The following RGL4 variants were observed in gnomAD, a reference collection of about 807,000 sequenced individuals.
The protein encoded by RGL4 is ral guanine nucleotide dissociation stimulator like 4, also known as ral-GDS-related protein.
A neutral mutation model predicts 49.6 loss-of-function variants in RGL4; 41 were observed. The ratio of observed to expected loss-of-function variants is 0.83; its 90% CI spans 0.64 to 1.07. RGL4 has a LOEUF of 1.07. Among genes scored for constraint, RGL4 ranks in the 50% least tolerant of loss-of-function variants. The probability of loss-of-function intolerance (pLI) is 0.00; values close to 1 mark genes in which losing one functional copy is unlikely to be tolerated. For missense variants in RGL4, 610 were observed against 591.9 expected (o/e 1.03, Z -0.32); for synonymous variants, 255 against 238.0 (o/e 1.07, Z -0.66).
rs752725015 is a variant in RGL4, at chr22:23,699,083, C to T, written c.*200C>T. 1.5e-5 allele frequency: 23 copies of T among 1,539,090 alleles called. No individual in the cohort carries two copies. Among genetic ancestry groups the T allele is most frequent in the Admixed American group, 2.0e-5 (1 of 50,890 alleles). On this transcript the variant is annotated 3_prime_UTR_variant, in exon 11 of 11. Coordinates refer to ENST00000290691, the MANE Select transcript of RGL4 (RefSeq NM_153615.2). ...GGCCATGGGACTTTTGTGAGTCAGG[C>T]GGGAGACCATTTTATGTTTATTTTC...
intron 6 of RGL4, among the ~76,000 whole-genome samples, chr22:23,695,893 G>A (rs766397341): frequency 1.3e-5 from 2 of 152,192 alleles, no homozygotes; most frequent in African/African-American, 2.4e-5. Flanking sequence ...AGAGTTCCGT[G>A]CACGGAACTC....
At position 23,691,967 on chromosome 22, in the gene RGL4, TC is replaced by T. The variant is rs1219319877; in HGVS notation, c.-58del. On this transcript the variant is annotated 5_prime_UTR_variant, in exon 1 of 11. Coordinates refer to ENST00000290691, the MANE Select transcript of RGL4 (RefSeq NM_153615.2). ...GGCTTCCCAGCTCTCCCTGTCCTCC[TC>T]CCCCCGACATCTGCCCCTTCCCTCC... The T allele has an allele frequency of 1.3e-5, 20 of 1,556,056 alleles. No homozygotes were observed. The highest frequency in any genetic ancestry group is 1.5e-5 in the Non-Finnish European group (17 of 1,140,734).
intron 6 of RGL4, among the ~76,000 whole-genome samples, chr22:23,695,938 C>G (rs1923466044): frequency 6.6e-6 from 1 of 152,230 alleles, no homozygotes; most frequent in African/African-American, 2.4e-5. Context: ...AAGCCTTTGG[C>G]ATGGCTCAAA....
At chr22:23,698,088 G>T (rs565858773) in intron 9 of RGL4, 124 bp from the exon 10 acceptor site, 7 of 1,329,910 alleles carry the variant, frequency 5.3e-6, no homozygotes, top group East Asian at 2.5e-5. Flanking sequence ...AGAACAGGCT[G>T]GGGGCGCTGC....
At chr22:23,698,393 A>C in intron 10 of RGL4, 60 bp downstream of exon 10, 1 of 1,545,518 alleles carries the variant, frequency 6.5e-7, no homozygotes, top group Non-Finnish European at 8.8e-7. Context: ...TTTTTTTAAC[A>C]TGGTCTGGCT....
At chr22:23,698,546 C>G in intron 10 of RGL4, 2 of 726,360 alleles carry the variant, frequency 2.8e-6, no homozygotes, top group Non-Finnish European at 4.9e-6. Flanking sequence ...TGTTGTTGTT[C>G]TGGTACAGAT....
chr22:23,698,376 C>CG, intron 10 of RGL4, 43 bp downstream of exon 10: 3 of 1,573,224 alleles, frequency 1.9e-6, no homozygotes, highest in Admixed American at 1.8e-5. Context: ...GAAGGCTCTC[C>CG]ATTTTTTTTT....
chr22:23,693,269 AG>A, intron 3 of RGL4: 1 of 548,338 alleles, frequency 1.8e-6, no homozygotes, highest in Non-Finnish European at 3.2e-6. Flanking sequence ...TGGGGCAGGC[AG>A]GGCCATGGGT....
At chr22:23,695,832 T>C (rs936738312) in intron 6 of RGL4, among the ~76,000 whole-genome samples, 4 of 152,132 alleles carry the variant, frequency 2.6e-5, no homozygotes, top group African/African-American at 7.2e-5. Flanking sequence ...AACCCTGCCA[T>C]TGCAGTCAGA....
At chr22:23,695,435 G>A in intron 6 of RGL4, 1 of 563,156 alleles carries the variant, frequency 1.8e-6, no homozygotes, top group South Asian at 1.6e-5. Context: ...AGGAAGCCAG[G>A]CCTCTGCTGC....
chr22:23,699,044 G>A lies in RGL4; in HGVS notation c.*161G>A. On this transcript the variant is annotated 3_prime_UTR_variant, in exon 11 of 11. Coordinates refer to ENST00000290691, the MANE Select transcript of RGL4 (RefSeq NM_153615.2). ...TGGATCCTCATCACCAACTGCTCCTGCTGGCCAGGATCAGGCCATGGGACT... is the reference window on the plus strand; with the variant it reads ...TGGATCCTCATCACCAACTGCTCCTACTGGCCAGGATCAGGCCATGGGACT... The A allele has an allele frequency of 6.5e-7, 1 of 1,546,304 alleles. No individual in the cohort carries two copies. The highest frequency in any genetic ancestry group is 8.7e-7 in the Non-Finnish European group (1 of 1,146,476).
Position 23,696,329 on chromosome 22 carries a change from G to A in RGL4, c.1087-285G>A. ...TGCTCGTGCCTGGTTCTTCCTCAGA[G>A]GGATGACGGTGAGAACAACGGCAAC... On this transcript the variant is annotated intron_variant, in intron 6 of 10. Transcript: ENST00000290691. 3 of 1,354,398 alleles carry A rather than the reference G, an allele frequency of 2.2e-6. No individual in the cohort carries two copies. The South Asian group carries it at 4.4e-5, about 20-fold the overall frequency. 83.9% of individuals were successfully genotyped at this position (1,354,398 alleles called of 1,614,324 possible).
Position 23,698,977 on chromosome 22 carries a change from G to T in RGL4, c.*94G>T. On this transcript the variant is annotated 3_prime_UTR_variant, in exon 11 of 11. Coordinates refer to ENST00000290691, the MANE Select transcript of RGL4 (RefSeq NM_153615.2). ...CCTCACCCAGACCGTAGACACCAGG[G>T]AACCACATCTAGGAGGCTGGCAGCT... 6.4e-7 allele frequency: 1 copy of T among 1,567,476 alleles called. No individual in the cohort carries two copies. The highest frequency in any genetic ancestry group is 8.7e-7 in the Non-Finnish European group (1 of 1,155,762).
At chr22:23,692,299 C>G in intron 1 of RGL4, 36 bp from the exon 2 acceptor site, 1 of 1,610,358 alleles carries the variant, frequency 6.2e-7, no homozygotes, top group Non-Finnish European at 8.5e-7. Context: ...TGGGAGAAGG[C>G]CAGGCCTCTG....
In RGL4 at chr22:23,692,139, C is replaced by T. The variant is rs17003394; in HGVS notation, c.109C>T (p.Arg37Cys). 21,101 of 1,614,116 alleles carry T rather than the reference C, an allele frequency of 0.013. 2,179 individuals carry two copies. The African/African-American group carries it at 0.24, about 18-fold the overall frequency. Residue 37 changes from arginine to cysteine, a missense_variant, in exon 1 of 11, where the codon CGC becomes TGC. Coordinates refer to ENST00000290691, the MANE Select transcript of RGL4 (RefSeq NM_153615.2). ...WEENVCGTPG[R>C]TRVCTALLYG... ...AGAGAATGTCTGTGGGACGCCAGGGCGCACGAGGGTCTGTACAGCCCTGCT... is the reference window on the plus strand; with the variant it reads ...AGAGAATGTCTGTGGGACGCCAGGGTGCACGAGGGTCTGTACAGCCCTGCT...
rs779775254 is a variant in RGL4, at chr22:23,699,073, G to T, written c.*190G>T. 5.2e-6 allele frequency: 8 copies of T among 1,542,622 alleles called. No individual in the cohort carries two copies. In the South Asian group the frequency reaches 9.6e-5, roughly 19 times the overall value. On this transcript the variant is annotated 3_prime_UTR_variant, in exon 11 of 11. Coordinates refer to ENST00000290691, the MANE Select transcript of RGL4 (RefSeq NM_153615.2). ...GCCAGGATCAGGCCATGGGACTTTT[G>T]TGAGTCAGGCGGGAGACCATTTTAT...
chr22:23,691,729 G>A lies in RGL4; in HGVS notation c.-302G>A, dbSNP rs1923147611. 1 of 305,146 alleles carries A rather than the reference G, an allele frequency of 3.3e-6. No individual in the cohort carries two copies. Among genetic ancestry groups the A allele is most frequent in the African/African-American group, 2.1e-5 (1 of 48,082 alleles). The allele number at this position is 305,146 out of a possible 1,614,324, so 18.9% of individuals were successfully genotyped here. A position where few individuals can be genotyped will look rare whatever the true frequency, so the allele number is the denominator to read the frequency against. On this transcript the variant is annotated 5_prime_UTR_variant, in exon 1 of 11. An upstream start codon of the reference 5' UTR is lost. Coordinates refer to ENST00000290691, the MANE Select transcript of RGL4 (RefSeq NM_153615.2). Reference sequence around the variant, plus strand: ...AAGGGCCTTTTCACCCACAAAACATGGGGGAAAATATGTGGACTCTGGCTG... The same window carrying A: ...AAGGGCCTTTTCACCCACAAAACATAGGGGAAAATATGTGGACTCTGGCTG...
rs747457726 is a variant in RGL4 at position 23,692,136 on chromosome 22, G to A, written c.106G>A (p.Gly36Arg). The A allele has an allele frequency of 9.3e-6, 15 of 1,614,104 alleles. No homozygotes were observed. Among genetic ancestry groups the A allele is most frequent in the Non-Finnish European group, 1.3e-5 (15 of 1,180,034 alleles). ...GGAAGAGAATGTCTGTGGGACGCCAGGGCGCACGAGGGTCTGTACAGCCCT... is the reference window on the plus strand; with the variant it reads ...GGAAGAGAATGTCTGTGGGACGCCAAGGCGCACGAGGGTCTGTACAGCCCT... ...LWEENVCGTPGRTRVCTALLY... is the reference protein window; with the variant it reads ...LWEENVCGTPRRTRVCTALLY... Residue 36 changes from glycine to arginine, a missense_variant, in exon 1 of 11, where the codon GGG (glycine) becomes AGG (arginine). Coordinates refer to ENST00000290691, the MANE Select transcript of RGL4 (RefSeq NM_153615.2).
chr22:23,692,742 C>T lies in RGL4; in HGVS notation c.447C>T (p.Asp149=). 6.2e-7 allele frequency: 1 copy of T among 1,613,326 alleles called. No individual in the cohort carries two copies. Among genetic ancestry groups the T allele is most frequent in the Non-Finnish European group, 8.5e-7 (1 of 1,179,978 alleles). Residue 149 remains aspartate (D), a synonymous_variant, in exon 3 of 11, where the codon GAC becomes GAT. Coordinates refer to ENST00000290691, the MANE Select transcript of RGL4 (RefSeq NM_153615.2). ...ALEPAPPLLA[D]LGPALEPESP... ...AGCCAGCACCACCACTGCTGGCGGA[C>T]CTGGGGCCTGCTCTGGAGCCAGAGT...
Sources: gnomAD v4.1 joint callset for allele counts (sites outside exome capture counted in the v4.1 genomes callset) on GRCh38, gnomAD v4.1.1 for gene constraint, MANE v1.5 for transcripts, NCBI Gene and HGNC (gene_info 2026-07-23, HGNC 2026-07-21) for gene names.